Variants in DAB1 observed in about 807,000 individuals in gnomAD.
DAB1 encodes the protein DAB adaptor protein 1, also known as disabled homolog 1.
In DAB1, 15 loss-of-function variants were observed where a neutral mutation model predicts 64.6. That is an observed-to-expected ratio of 0.23 (90% CI 0.16 to 0.36). DAB1 has a LOEUF of 0.36. DAB1 is among the 10% of genes least tolerant of loss of function. DAB1 has a pLI of 1.00. For missense variants in DAB1, 596 were observed against 706.7 expected, an observed-to-expected ratio of 0.84 and a Z score of 1.78; for synonymous variants, 235 against 251.9, an observed-to-expected ratio of 0.93 and a Z score of 0.64.
intron 4 of DAB1, among the ~76,000 whole-genome samples, chr1:58,175,374 A>G (rs1656411194): frequency 6.6e-6 from 1 of 152,192 alleles, no homozygotes; most frequent in African/African-American, 2.4e-5. Flanking sequence ...CAAACTCCGG[A>G]CACACCACCT....
intron 5 of DAB1, among the ~76,000 whole-genome samples, chr1:58,099,271 A>G (rs1651172047): frequency 6.6e-6 from 1 of 152,172 alleles, no homozygotes; most frequent in Non-Finnish European, 1.5e-5. Context: ...TCTCTCCCTG[A>G]GTGCCCAGAG....
At chr1:57,635,275 A>G (rs781667162) in intron 7 of DAB1, among the ~76,000 whole-genome samples, 1 of 152,154 alleles carries the variant, frequency 6.6e-6, no homozygotes, top group Non-Finnish European at 1.5e-5. Flanking sequence ...GGGGTCCCCA[A>G]ACCCCGGGCC....
At chr1:57,053,116 T>C (rs1338455416) in intron 9 of DAB1, among the ~76,000 whole-genome samples, 1 of 152,204 alleles carries the variant, frequency 6.6e-6, no homozygotes, top group Non-Finnish European at 1.5e-5. Context: ...GCTATTCCCA[T>C]TTTGCAGATA....
chr1:58,006,777 C>T (rs1646590563), intron 5 of DAB1, among the ~76,000 whole-genome samples: 1 of 152,202 alleles, frequency 6.6e-6, no homozygotes, highest in South Asian at 2.1e-4. Flanking sequence ...CACCTCCTCT[C>T]TGCCTCCCGT....
chr1:57,343,527 C>A (rs560884634), intron 1 of DAB1, among the ~76,000 whole-genome samples: 6 of 152,346 alleles, frequency 3.9e-5, no homozygotes, highest in East Asian at 3.9e-4. Flanking sequence ...GAGGCTCCGC[C>A]GCACAAGAGC....
intron 1 of DAB1, among the ~76,000 whole-genome samples, chr1:57,414,882 A>G (rs896911991): frequency 2.0e-5 from 3 of 152,222 alleles, no homozygotes; most frequent in African/African-American, 7.2e-5. Context: ...AAGAGTTACT[A>G]CATTTACAGA....
intron 1 of DAB1, among the ~76,000 whole-genome samples, chr1:57,323,054 T>TTC (rs1675853457): frequency 6.6e-6 from 1 of 150,472 alleles, no homozygotes; most frequent in African/African-American, 2.5e-5. Context: ...GAGATTTTTT[T>TTC]TTGCATTTCT....
intron 5 of DAB1, among the ~76,000 whole-genome samples, chr1:58,030,196 G>C (rs901032057): frequency 2.0e-5 from 3 of 152,042 alleles, no homozygotes; most frequent in African/African-American, 7.2e-5. Context: ...GACAGAGTGA[G>C]ACTCCATCTC....
At chr1:57,145,266 G>C (rs781068064) in intron 3 of DAB1, 24 bp downstream of exon 3, 1 of 1,611,888 alleles carries the variant, frequency 6.2e-7, no homozygotes, top group Non-Finnish European at 8.5e-7. Context: ...ACAAAGTATT[G>C]AAAAGAAAAC....
intron 5 of DAB1, among the ~76,000 whole-genome samples, chr1:58,071,341 T>TCTA (rs1026725524): frequency 6.7e-6 from 1 of 150,214 alleles, no homozygotes. Flanking sequence ...AAATAGGAAC[T>TCTA]CTACCTCCAT....
intron 9 of DAB1, among the ~76,000 whole-genome samples, chr1:57,062,373 G>T (rs1439931730): frequency 2.0e-5 from 3 of 152,260 alleles, no homozygotes; most frequent in Non-Finnish European, 2.9e-5. Context: ...TTTCAAATTA[G>T]ATGGGCAGCT....
intron 5 of DAB1, among the ~76,000 whole-genome samples, chr1:57,970,806 T>A (rs1443382617): frequency 6.6e-6 from 1 of 152,144 alleles, no homozygotes; most frequent in Non-Finnish European, 1.5e-5. Flanking sequence ...ATTTTCAAAT[T>A]ATCTGTGTCC....
At chr1:57,129,015 G>A (rs1275853139) in intron 4 of DAB1, among the ~76,000 whole-genome samples, 1 of 152,176 alleles carries the variant, frequency 6.6e-6, no homozygotes, top group African/African-American at 2.4e-5. Flanking sequence ...TCTGTCTAAT[G>A]GGAGGAGTGG....
chr1:57,891,081 T>C (rs528321282), intron 5 of DAB1, among the ~76,000 whole-genome samples: 169 of 152,268 alleles, frequency 1.1e-3, no homozygotes, highest in Non-Finnish European at 2.3e-3. Flanking sequence ...ACAGGCAACC[T>C]ACAGAATGGG....
At chr1:58,467,112 C>T (rs186085704) in intron 3 of DAB1, among the ~76,000 whole-genome samples, 121 of 152,274 alleles carry the variant, frequency 7.9e-4, no homozygotes, top group African/African-American at 2.8e-3. Context: ...GTGGCTCTGG[C>T]CATTCTCAAA....
intron 3 of DAB1, among the ~76,000 whole-genome samples, chr1:58,432,625 C>T (rs1569775876): frequency 6.6e-6 from 1 of 152,168 alleles, no homozygotes. Context: ...TATTTACTTG[C>T]CTGCTGTCAC....
intron 6 of DAB1, among the ~76,000 whole-genome samples, chr1:57,697,018 G>C (rs1449083814): frequency 6.6e-6 from 1 of 152,146 alleles, no homozygotes; most frequent in Non-Finnish European, 1.5e-5. Flanking sequence ...CCTTCTCTGT[G>C]AAATCTAACT....
chr1:58,083,933 G>A (rs562090769), intron 5 of DAB1, among the ~76,000 whole-genome samples: 28 of 152,224 alleles, frequency 1.8e-4, no homozygotes, highest in African/African-American at 6.3e-4. Flanking sequence ...GAACGTTCTA[G>A]GGAGAGCGAA....
intron 3 of DAB1, among the ~76,000 whole-genome samples, chr1:58,428,884 G>C (rs1644844499): frequency 6.6e-6 from 1 of 152,148 alleles, no homozygotes; most frequent in Non-Finnish European, 1.5e-5. Flanking sequence ...AGAAATTCAA[G>C]AACAGGCAAA....
Sources: gnomAD v4.1 joint callset for allele counts (sites outside exome capture counted in the v4.1 genomes callset) on GRCh38, gnomAD v4.1.1 for gene constraint, MANE v1.5 for transcripts, NCBI Gene and HGNC (gene_info 2026-07-23, HGNC 2026-07-21) for gene names.